FMNL2: variants seen among roughly 807,000 people sequenced by gnomAD.
FMNL2 encodes formin like 2.
Under a neutral mutation model 130.2 loss-of-function variants are expected in FMNL2, and 51 were observed. The observed-to-expected ratio is 0.39, with a 90% CI of 0.31 to 0.49. The LOEUF (loss-of-function observed/expected upper bound fraction) is 0.49. Ranked by LOEUF, FMNL2 falls within the 20% of genes least tolerant of loss-of-function variation. The pLI, the probability that FMNL2 is intolerant of heterozygous loss-of-function variation, is 0.85. For missense variants in FMNL2, 977 were observed against 1,316.2 expected, an observed-to-expected ratio of 0.74 and a Z score of 3.99; for synonymous variants, 465 against 467.1, an observed-to-expected ratio of 1.00 and a Z score of 0.06.
chr2:152,574,693 A>T (rs1696380117), intron 6 of FMNL2, among the ~76,000 whole-genome samples: 1 of 152,222 alleles, frequency 6.6e-6, no homozygotes, highest in Non-Finnish European at 1.5e-5. Flanking sequence ...TTTGTTTTAC[A>T]CTGGAAGCTA....
At chr2:152,338,680 C>T (rs1681614524) in intron 1 of FMNL2, among the ~76,000 whole-genome samples, 1 of 152,050 alleles carries the variant, frequency 6.6e-6, no homozygotes, top group African/African-American at 2.4e-5. Flanking sequence ...GTTTAATCCT[C>T]CCAAGGATAG....
chr2:152,515,890 G>A (rs1692738277), intron 1 of FMNL2, among the ~76,000 whole-genome samples: 1 of 152,100 alleles, frequency 6.6e-6, no homozygotes, highest in Admixed American at 6.6e-5. Flanking sequence ...TACATTTACT[G>A]GCTTTTTCGA....
chr2:152,648,666 CATT>C lies in FMNL2; in HGVS notation c.*766_*768del, dbSNP rs1237002053. The C allele has an allele frequency of 1.3e-5, 2 of 152,540 alleles. No homozygotes were observed. Among genetic ancestry groups the C allele is most frequent in the Admixed American group, 6.6e-5 (1 of 15,262 alleles). 9.4% of individuals were successfully genotyped at this position (152,540 alleles called of 1,614,324 possible). ...AATCAGCATTAGCATTTCTGAGGAC[CATT>C]ATTAATTCTGAGAACAGAAATTGGT... On this transcript the variant is annotated 3_prime_UTR_variant, in exon 26 of 26. Coordinates refer to ENST00000288670, the MANE Select transcript of FMNL2 (RefSeq NM_052905.4).
At chr2:152,594,269 C>T (rs1425168056) in intron 9 of FMNL2, among the ~76,000 whole-genome samples, 1 of 152,016 alleles carries the variant, frequency 6.6e-6, no homozygotes, top group East Asian at 1.9e-4. Flanking sequence ...CAAATAGTTC[C>T]CTCTAAGAAA....
intron 1 of FMNL2, among the ~76,000 whole-genome samples, chr2:152,469,850 G>T (rs1689759794): frequency 1.3e-5 from 2 of 152,190 alleles, no homozygotes; most frequent in South Asian, 4.1e-4. Context: ...GAAGCATTAT[G>T]CCGTCATAGA....
At chr2:152,453,030 T>C (rs112819419) in intron 1 of FMNL2, among the ~76,000 whole-genome samples, 9,269 of 152,044 alleles carry the variant, frequency 0.061, 540 homozygotes, top group Admixed American at 0.21. Flanking sequence ...GGTGAAACCC[T>C]GTCTCTACTA....
At chr2:152,422,146 A>C (rs929005805) in intron 1 of FMNL2, among the ~76,000 whole-genome samples, 1 of 152,242 alleles carries the variant, frequency 6.6e-6, no homozygotes, top group Non-Finnish European at 1.5e-5. Context: ...TAAGAAGTTC[A>C]GGGAAAGTAC....
intron 9 of FMNL2, among the ~76,000 whole-genome samples, chr2:152,585,604 G>A (rs1697022915): frequency 6.6e-6 from 1 of 152,102 alleles, no homozygotes; most frequent in African/African-American, 2.4e-5. Context: ...CTATACTCTG[G>A]CTCTGCCTTT....
intron 1 of FMNL2, among the ~76,000 whole-genome samples, chr2:152,443,042 A>G (rs1688135176): frequency 6.6e-6 from 1 of 152,202 alleles, no homozygotes; most frequent in African/African-American, 2.4e-5. Context: ...AAATGACCTG[A>G]AAAATGTATC....
intron 15 of FMNL2, chr2:152,621,058 A>G (rs1699223497): frequency 1.0e-6 from 1 of 985,396 alleles, no homozygotes; most frequent in South Asian, 4.7e-5. Flanking sequence ...ACCTCATATC[A>G]AGCCCCGGGA....
At chr2:152,641,700 T>C (rs1220676842) in intron 25 of FMNL2, among the ~76,000 whole-genome samples, 7 of 152,210 alleles carry the variant, frequency 4.6e-5, no homozygotes, top group Non-Finnish European at 8.8e-5. Context: ...TGGCCAATCT[T>C]GTTACATGTA....
chr2:152,622,467 C>T, intron 15 of FMNL2: 7 of 456,720 alleles, frequency 1.5e-5, no homozygotes, highest in South Asian at 1.1e-4. Context: ...GCGTGAACTG[C>T]TGAGCCACTT....
rs1479372744 is a variant in FMNL2 at position 152,467,769 on chromosome 2, C to T, written c.118-54174C>T. ...AGGTTTTGCCATGGAGTGCTTCTTT[C>T]TTCCGAGAGCAGGCCTGGTCAACTG... On this transcript the variant is annotated intron_variant, in intron 1 of 25. Transcript: ENST00000288670. Among the ~76,000 whole-genome samples, 4 of 152,204 alleles carry T rather than the reference C, an allele frequency of 2.6e-5. No individual in the cohort carries two copies. In the East Asian group the frequency reaches 7.7e-4, roughly 29 times the overall value.
chr2:152,610,933 C>T (rs1233781375), intron 10 of FMNL2, among the ~76,000 whole-genome samples: 1 of 152,216 alleles, frequency 6.6e-6, no homozygotes, highest in Non-Finnish European at 1.5e-5. Flanking sequence ...TTCTCCATAT[C>T]CTTCCCAACT....
intron 1 of FMNL2, among the ~76,000 whole-genome samples, chr2:152,371,398 C>A (rs561385767): frequency 1.3e-5 from 2 of 152,106 alleles, no homozygotes; most frequent in South Asian, 2.1e-4. Flanking sequence ...CTGCTGGGCG[C>A]GGTGGCTCAT....
At chr2:152,520,351 T>C (rs1284601042) in intron 1 of FMNL2, among the ~76,000 whole-genome samples, 4 of 152,100 alleles carry the variant, frequency 2.6e-5, no homozygotes, top group Non-Finnish European at 4.4e-5. Flanking sequence ...CCCCGCACTT[T>C]GGGAGGCCGA....
chr2:152,493,614 T>C (rs576214007), intron 1 of FMNL2, among the ~76,000 whole-genome samples: 9 of 152,238 alleles, frequency 5.9e-5, no homozygotes, highest in African/African-American at 1.9e-4. Flanking sequence ...ATGAGTGAGT[T>C]CTAGCCCTAT....
At chr2:152,540,420 C>T (rs560468762) in intron 2 of FMNL2, among the ~76,000 whole-genome samples, 1 of 152,082 alleles carries the variant, frequency 6.6e-6, no homozygotes, top group Admixed American at 6.5e-5. Flanking sequence ...CGAGATAGAA[C>T]ATTTGAAGGA....
At chr2:152,490,568 A>AGTGTGTGTGT (rs1208283542) in intron 1 of FMNL2, among the ~76,000 whole-genome samples, 1 of 35,366 alleles carries the variant, frequency 2.8e-5, no homozygotes, top group Admixed American at 3.1e-4. Context: ...TTTGCTATCC[A>AGTGTGTGTGT]ATGTGTGTGT....
Sources: allele counts gnomAD v4.1 joint callset (sites outside exome capture counted in the v4.1 genomes callset), GRCh38; gene constraint gnomAD v4.1.1; transcripts MANE v1.5; gene names NCBI Gene and HGNC (gene_info 2026-07-23, HGNC 2026-07-21).